The following NAV2 variants were observed in gnomAD, a reference collection of about 807,000 sequenced individuals.
NAV2 encodes the protein neuron navigator 2.
A neutral mutation model predicts 223.2 loss-of-function variants in NAV2; 54 were observed. The observed-to-expected ratio is 0.24, with a 90% CI of 0.19 to 0.30. The LOEUF (loss-of-function observed/expected upper bound fraction) is 0.30. Ranked by LOEUF, NAV2 falls within the 10% of genes least tolerant of loss-of-function variation. The pLI, the probability that NAV2 is intolerant of heterozygous loss-of-function variation, is 1.00. For missense variants in NAV2, 2,806 were observed against 3,147.5 expected, an observed-to-expected ratio of 0.89 and a Z score of 2.60; for synonymous variants, 1,279 against 1,239.3, an observed-to-expected ratio of 1.03 and a Z score of -0.67.
chr11:19,793,385 T>G (rs1047634681), intron 1 of NAV2, among the ~76,000 whole-genome samples: 3 of 152,186 alleles, frequency 2.0e-5, no homozygotes, highest in African/African-American at 7.2e-5. Flanking sequence ...TGTCTTAACT[T>G]TTATGATGAT....
At chr11:19,794,438 A>G (rs2152741771) in intron 1 of NAV2, among the ~76,000 whole-genome samples, 1 of 152,308 alleles carries the variant, frequency 6.6e-6, no homozygotes, top group African/African-American at 2.4e-5. Context: ...CCCAACTCAT[A>G]TCTTACAAAA....
chr11:19,845,924 A>T (rs1157704736), intron 3 of NAV2, among the ~76,000 whole-genome samples: 1 of 152,210 alleles, frequency 6.6e-6, no homozygotes, highest in Non-Finnish European at 1.5e-5. Context: ...AGCTGAATAC[A>T]CAGGTGACCA....
intron 3 of NAV2, among the ~76,000 whole-genome samples, chr11:19,851,844 A>T (rs982651931): frequency 1.3e-5 from 2 of 152,242 alleles, no homozygotes; most frequent in African/African-American, 4.8e-5. Flanking sequence ...TTGAGATGGG[A>T]TAATGATCCT....
At chr11:19,946,004 A>G (rs2046908608) in intron 8 of NAV2, among the ~76,000 whole-genome samples, 1 of 152,272 alleles carries the variant, frequency 6.6e-6, no homozygotes, top group African/African-American at 2.4e-5. Flanking sequence ...AGATAGCTGC[A>G]TATATCACCA....
chr11:19,961,210 A>T (rs1402727168), intron 10 of NAV2, among the ~76,000 whole-genome samples: 1 of 152,066 alleles, frequency 6.6e-6, no homozygotes, highest in Admixed American at 6.6e-5. Context: ...TTGACCTCCC[A>T]AAATGCTGGG....
chr11:20,019,272 G>A (rs951053098), intron 11 of NAV2, among the ~76,000 whole-genome samples: 1 of 152,140 alleles, frequency 6.6e-6, no homozygotes, highest in African/African-American at 2.4e-5. Context: ...TGGGTTCAAG[G>A]TATATTTGGG....
chr11:19,424,498 A>T (rs751331647), intron 1 of NAV2, among the ~76,000 whole-genome samples: 23 of 152,294 alleles, frequency 1.5e-4, no homozygotes, highest in Non-Finnish European at 2.9e-4. Flanking sequence ...CAAATTAGGG[A>T]TCTATAGCAA....
At chr11:19,788,050 A>G (rs1000370735) in intron 1 of NAV2, among the ~76,000 whole-genome samples, 5 of 152,272 alleles carry the variant, frequency 3.3e-5, no homozygotes, top group African/African-American at 4.8e-5. Flanking sequence ...CAAATGTAAT[A>G]TGTCCCAGAT....
intron 1 of NAV2, among the ~76,000 whole-genome samples, chr11:19,630,777 G>GA (rs1056071339): frequency 3.9e-5 from 6 of 152,030 alleles, no homozygotes; most frequent in African/African-American, 1.4e-4. Flanking sequence ...TTGGGAGGCT[G>GA]AGGTGAGAGG....
chr11:19,974,728 G>C (rs2584850), intron 10 of NAV2, among the ~76,000 whole-genome samples: 152,180 of 152,362 alleles, frequency 1, 75,999 homozygotes, highest in Middle Eastern at 1. Flanking sequence ...GCAGTGTACA[G>C]TCTACCTTGG....
At chr11:19,612,134 G>A (rs1441783863) in intron 1 of NAV2, among the ~76,000 whole-genome samples, 1 of 152,184 alleles carries the variant, frequency 6.6e-6, no homozygotes, top group Non-Finnish European at 1.5e-5. Context: ...CTCTACATTG[G>A]CCCCTTTCAG....
At position 19,859,137 on chromosome 11, in the gene NAV2, C is replaced by CTTTTTTTTTTTTTTTTTTTTT. The variant is rs569446282; in HGVS notation, c.439-9786_439-9766dup. On this transcript the variant is annotated intron_variant, in intron 3 of 37. Transcript: ENST00000349880. ...ATGGAGGAGTCCAAAATCATATTCT[C>CTTTTTTTTTTTTTTTTTTTTT]TTTTTTTTTTTTTTTTTTTTTTATT... is the stretch of plus-strand genomic sequence containing the variant. Among the ~76,000 whole-genome samples the CTTTTTTTTTTTTTTTTTTTTT allele has an allele frequency of 8.9e-4, 95 of 107,088 alleles. 5 individuals are homozygous for CTTTTTTTTTTTTTTTTTTTTT. The highest frequency in any genetic ancestry group is 1.7e-3 in the South Asian group (4 of 2,322). 70.3% of individuals were successfully genotyped at this position (107,088 alleles called of 152,430 possible).
chr11:19,823,764 C>T (rs753127873), intron 1 of NAV2, among the ~76,000 whole-genome samples: 5 of 152,062 alleles, frequency 3.3e-5, no homozygotes, highest in African/African-American at 4.8e-5. Context: ...GGGCCGGGGC[C>T]TGTCGGGGAC....
intron 19 of NAV2, chr11:20,056,638 C>G (rs1169325846): frequency 6.3e-7 from 1 of 1,586,948 alleles, no homozygotes; most frequent in Admixed American, 1.7e-5. Context: ...GGTGAGTAAG[C>G]AGTCAAAATT....
intron 1 of NAV2, among the ~76,000 whole-genome samples, chr11:19,499,972 A>ATATATATATATATATATATTCTG (rs1362426252): frequency 1.3e-5 from 2 of 151,978 alleles, no homozygotes; most frequent in African/African-American, 2.4e-5. Flanking sequence ...GATTCTATAT[A>ATATATATATATATATATATTCTG]TATATACACA....
chr11:19,862,777 AAAG>A (rs2061867333), intron 3 of NAV2, among the ~76,000 whole-genome samples: 1 of 152,298 alleles, frequency 6.6e-6, no homozygotes, highest in Non-Finnish European at 1.5e-5. Flanking sequence ...TGGACAAAAA[AAAG>A]AAGGTGGGTA....
In NAV2 at chr11:19,940,082, T is replaced by G. The variant is rs942525234; in HGVS notation, c.2146+309T>G. ...TAGGGGCTCTGGACTGCACTGATAC[T>G]TAACTTTGAATCTTCTTGTTTACTC... On this transcript the variant is annotated intron_variant, in intron 8 of 37. Coordinates refer to ENST00000349880, the MANE Select transcript of NAV2 (RefSeq NM_145117.5). 3.9e-5 allele frequency among the ~76,000 whole-genome samples: 6 copies of G among 152,284 alleles called. No homozygotes were observed. The East Asian group carries it at 1.2e-3, about 29-fold the overall frequency.
rs577719545 is a variant in NAV2 at position 20,020,689 on chromosome 11, G to A, written c.2769-15270G>A. The stretch of plus-strand genomic sequence containing the variant: ...TGTAAAAATCATGTGTAATCAAAAC[G>A]ATATGTTTAGTGTTGTACATTTACA... On this transcript the variant is annotated intron_variant, in intron 11 of 37. Transcript: ENST00000349880. 5.3e-5 allele frequency among the ~76,000 whole-genome samples: 8 copies of A among 152,206 alleles called. No individual in the cohort carries two copies. The South Asian group carries it at 1.2e-3, about 24-fold the overall frequency.
At chr11:19,908,685 C>G (rs1485489866) in intron 6 of NAV2, among the ~76,000 whole-genome samples, 5 of 152,162 alleles carry the variant, frequency 3.3e-5, no homozygotes, top group African/African-American at 1.2e-4. Context: ...TTTGACAGCA[C>G]AGCTCTAGAA....
Sources: allele counts gnomAD v4.1 joint callset (sites outside exome capture counted in the v4.1 genomes callset), GRCh38; gene constraint gnomAD v4.1.1; transcripts MANE v1.5; gene names NCBI Gene and HGNC (gene_info 2026-07-23, HGNC 2026-07-21).